ZBTB20: variants seen among roughly 807,000 people sequenced by gnomAD.
ZBTB20 encodes zinc finger and BTB domain containing 20, also known as zinc finger and BTB domain-containing protein 20.
Under a neutral mutation model 56.9 loss-of-function variants are expected in ZBTB20, and 9 were observed. That is an observed-to-expected ratio of 0.16 (90% CI 0.10 to 0.28). The LOEUF is 0.28. ZBTB20 is among the 10% of genes least tolerant of loss of function. The pLI is 1.00. For synonymous variants in ZBTB20, 417 were observed against 420.7 expected (o/e 0.99, Z 0.11); for missense variants, 655 against 1,003.0 (o/e 0.65, Z 4.69).
At chr3:114,508,247 A>T (rs1185804869) in intron 6 of ZBTB20, among the ~76,000 whole-genome samples, 3 of 152,110 alleles carry the variant, frequency 2.0e-5, no homozygotes, top group South Asian at 2.1e-4. Flanking sequence ...CTAATAACAG[A>T]CTCACAGATA....
At chr3:114,997,888 T>C (rs1469421703) in intron 2 of ZBTB20, among the ~76,000 whole-genome samples, 6 of 148,364 alleles carry the variant, frequency 4.0e-5, no homozygotes, top group Non-Finnish European at 5.9e-5. Flanking sequence ...TAGATGATAA[T>C]GTAGTCTGCT....
chr3:114,929,253 G>T (rs1327284450), intron 3 of ZBTB20, among the ~76,000 whole-genome samples: 1 of 152,140 alleles, frequency 6.6e-6, no homozygotes, highest in Non-Finnish European at 1.5e-5. Flanking sequence ...CTACTACATG[G>T]TTAAGAGAGC....
intron 6 of ZBTB20, among the ~76,000 whole-genome samples, chr3:114,648,760 G>A (rs142893080): frequency 1.3e-4 from 19 of 151,996 alleles, no homozygotes; most frequent in African/African-American, 3.6e-4. Flanking sequence ...GTATAGCAGA[G>A]GAAGATCATT....
At chr3:115,008,590 A>C (rs1205283300) in intron 2 of ZBTB20, among the ~76,000 whole-genome samples, 1 of 151,902 alleles carries the variant, frequency 6.6e-6, no homozygotes, top group African/African-American at 2.4e-5. Flanking sequence ...ACATATGAAA[A>C]AACAGTCCTA....
intron 5 of ZBTB20, among the ~76,000 whole-genome samples, chr3:114,778,708 A>G (rs1469968274): frequency 1.3e-5 from 2 of 152,224 alleles, no homozygotes; most frequent in Non-Finnish European, 2.9e-5. Context: ...TGCGTTCTCT[A>G]GTACCTTTGA....
intron 2 of ZBTB20, chr3:115,027,521 T>A (rs1254679301): frequency 2.0e-5 from 3 of 150,906 alleles, no homozygotes; most frequent in African/African-American, 7.3e-5. Flanking sequence ...GAAACTCCCA[T>A]GTCCAAAGGC....
At chr3:115,035,635 A>G (rs1283624003) in intron 2 of ZBTB20, among the ~76,000 whole-genome samples, 1 of 152,158 alleles carries the variant, frequency 6.6e-6, no homozygotes, top group East Asian at 1.9e-4. Flanking sequence ...AGAAATGTGA[A>G]AAACAGCATG....
Position 115,017,834 on chromosome 3 carries a change from T to C in ZBTB20, c.-506-43418A>G, listed in dbSNP as rs72960386. Among the ~76,000 whole-genome samples the C allele has an allele frequency of 5.7e-3, 858 of 151,572 alleles. 12 individuals are homozygous for C. The highest frequency in any genetic ancestry group is 0.02 in the African/African-American group (831 of 41,420). ...CATGGATCTTACAGTCTAATTGAGG[T>C]AGAAATACAAATACACATACATATA... On this transcript the variant is annotated intron_variant, in intron 2 of 11. Coordinates refer to ENST00000675478, the MANE Select transcript of ZBTB20 (RefSeq NM_001348800.3).
At chr3:115,037,320 C>T (rs1030323742) in intron 2 of ZBTB20, among the ~76,000 whole-genome samples, 77 of 152,096 alleles carry the variant, frequency 5.1e-4, no homozygotes, top group African/African-American at 1.8e-3. Flanking sequence ...AGTCTCACTC[C>T]GTCACCCAAG....
chr3:114,366,791 C>G (rs1223295886), intron 10 of ZBTB20: 1 of 152,230 alleles, frequency 6.6e-6, no homozygotes, highest in Admixed American at 6.5e-5. Context: ...ACGGGGAAAA[C>G]TTACCAGGTA....
chr3:114,502,693 T>C (rs1330910756), intron 6 of ZBTB20: 4 of 152,200 alleles, frequency 2.6e-5, no homozygotes, highest in Admixed American at 2.0e-4. Context: ...TAGTCTTCTC[T>C]GCAAGCCAGG....
Position 114,839,605 on chromosome 3 carries a change from C to T in ZBTB20, c.-416-38431G>A, listed in dbSNP as rs114350561. On this transcript the variant is annotated intron_variant, in intron 4 of 11. Coordinates refer to ENST00000675478, the MANE Select transcript of ZBTB20 (RefSeq NM_001348800.3). Reference sequence around the variant, plus strand: ...TAATGGTGACCTTCCAAAAGAAACGCCCACATTCTAACCCCTGAAACCTGA... The same window carrying T: ...TAATGGTGACCTTCCAAAAGAAACGTCCACATTCTAACCCCTGAAACCTGA... Among the ~76,000 whole-genome samples the T allele has an allele frequency of 4.4e-3, 664 of 152,198 alleles. 3 individuals are homozygous for T. The highest frequency in any genetic ancestry group is 0.015 in the African/African-American group (628 of 41,528).
chr3:114,707,828 C>T (rs2063808668), intron 5 of ZBTB20, among the ~76,000 whole-genome samples: 1 of 152,178 alleles, frequency 6.6e-6, no homozygotes, highest in Admixed American at 6.6e-5. Context: ...GCACACAATC[C>T]ACCTGCATAT....
intron 7 of ZBTB20, among the ~76,000 whole-genome samples, chr3:114,481,127 A>G (rs1442582314): frequency 1.3e-5 from 2 of 152,054 alleles, no homozygotes; most frequent in Non-Finnish European, 2.9e-5. Context: ...TATAGAGATA[A>G]TATATTTTAA....
intron 5 of ZBTB20, among the ~76,000 whole-genome samples, chr3:114,723,460 T>A (rs543290919): frequency 6.6e-6 from 1 of 152,308 alleles, no homozygotes; most frequent in Admixed American, 6.5e-5. Flanking sequence ...AGATTTTGTT[T>A]CATTCAATCA....
intron 5 of ZBTB20, among the ~76,000 whole-genome samples, chr3:114,707,474 T>C (rs1375309285): frequency 6.6e-6 from 1 of 152,198 alleles, no homozygotes; most frequent in Non-Finnish European, 1.5e-5. Context: ...GCAACCTTTC[T>C]GATTTTTCAC....
intron 6 of ZBTB20, among the ~76,000 whole-genome samples, chr3:114,648,137 A>G (rs1042882738): frequency 1.3e-5 from 2 of 151,868 alleles, no homozygotes; most frequent in African/African-American, 4.8e-5. Context: ...TTATCCTCTT[A>G]TTACTCATCA....
intron 5 of ZBTB20, among the ~76,000 whole-genome samples, chr3:114,768,832 CAT>C (rs1047770164): frequency 7.2e-5 from 11 of 152,120 alleles, no homozygotes; most frequent in South Asian, 2.1e-4. Flanking sequence ...ACAAATCTAA[CAT>C]GTGGTAGAGC....
chr3:114,425,707 C>T (rs1424796144), intron 7 of ZBTB20, among the ~76,000 whole-genome samples: 1 of 152,146 alleles, frequency 6.6e-6, no homozygotes, highest in African/African-American at 2.4e-5. Flanking sequence ...TAATCTACCT[C>T]TTTTAGTTAG....
Sources: allele counts gnomAD v4.1 joint callset (sites outside exome capture counted in the v4.1 genomes callset), GRCh38; gene constraint gnomAD v4.1.1; transcripts MANE v1.5; gene names NCBI Gene and HGNC (gene_info 2026-07-23, HGNC 2026-07-21).